The following WBP11 variants were observed in gnomAD, a reference collection of about 807,000 sequenced individuals.
WBP11 encodes WW domain-binding protein 11.
Under a neutral mutation model 66.7 loss-of-function variants are expected in WBP11, and 12 were observed. That is an observed-to-expected ratio of 0.18 (90% CI 0.12 to 0.29). The LOEUF (loss-of-function observed/expected upper bound fraction) is 0.29. WBP11 is among the 10% of genes least tolerant of loss of function. The pLI is 1.00. For synonymous variants in WBP11, 255 were observed against 273.8 expected (o/e 0.93, Z 0.68); for missense variants, 555 against 818.3 (o/e 0.68, Z 3.93).
intron 8 of WBP11, among the ~76,000 whole-genome samples, chr12:14,793,128 T>A (rs1949841215): frequency 6.6e-6 from 1 of 152,226 alleles, no homozygotes; most frequent in African/African-American, 2.4e-5. Context: ...GTAGGCCACA[T>A]AAACAATCCC....
rs993282164 is a variant in WBP11, at chr12:14,786,352, T to C, written c.*713A>G. 2.0e-5 allele frequency: 3 copies of C among 152,220 alleles called. No homozygotes were observed. Among genetic ancestry groups the C allele is most frequent in the African/African-American group, 7.2e-5 (3 of 41,462 alleles). 9.4% of individuals were successfully genotyped at this position (152,220 alleles called of 1,614,324 possible). ...AATTTAAAATGTAGTTTTTACCATG[T>C]TTTCAGTAAGATTCTCATTCTGTAC... On this transcript the variant is annotated 3_prime_UTR_variant, in exon 12 of 12. Coordinates refer to ENST00000261167, the MANE Select transcript of WBP11 (RefSeq NM_016312.3).
At chr12:14,799,015 CAA>C (rs1402438828) in intron 4 of WBP11, among the ~76,000 whole-genome samples, 1 of 151,620 alleles carries the variant, frequency 6.6e-6, no homozygotes, top group Non-Finnish European at 1.5e-5. Flanking sequence ...AACTTAGATG[CAA>C]AAAAAGATAA....
chr12:14,786,776 G>T lies in WBP11; in HGVS notation c.*289C>A. The T allele has an allele frequency of 3.6e-6, 1 of 278,522 alleles. No individual in the cohort carries two copies. Among genetic ancestry groups the T allele is most frequent in the Non-Finnish European group, 6.8e-6 (1 of 147,186 alleles). The allele number at this position is 278,522 out of a possible 1,614,324, so 17.3% of individuals were successfully genotyped here. ...AACAAATAAGCAACTAAGATCCCCC[G>T]ATCACAAATTTCCAAAGAACTGGAG... On this transcript the variant is annotated 3_prime_UTR_variant, in exon 12 of 12. Transcript: ENST00000261167.
rs1949855346 is a variant in WBP11 at position 14,793,916 on chromosome 12, C to T, written c.728G>A (p.Arg243Gln). 6 of 1,605,678 alleles carry T rather than the reference C, an allele frequency of 3.7e-6. No homozygotes were observed. The African/African-American group carries it at 4.0e-5, about 11-fold the overall frequency. Reference protein sequence around the residue: ...DMLYSPELAQRGHDDDVSSTS... With the variant: ...DMLYSPELAQQGHDDDVSSTS... ...GCTAGAAACATCATCATCATGACCT[C>T]GCTGGGCTGAAAAGTGGGAAGGGAA... Residue 243 changes from arginine (R) to glutamine (Q), a missense_variant, in exon 8 of 12, where the codon CGA becomes CAA. This residue lies in a region of WBP11 where 220 missense variants were observed against 268.2 expected (regional missense o/e 0.82). Coordinates refer to ENST00000261167, the MANE Select transcript of WBP11 (RefSeq NM_016312.3).
intron 11 of WBP11, 36 bp from the exon 12 acceptor site, chr12:14,787,534 G>A: frequency 7.0e-7 from 1 of 1,428,860 alleles, no homozygotes; most frequent in African/African-American, 1.4e-5. Context: ...AATACTGTAA[G>A]AACTAATAAA....
At position 14,803,437 on chromosome 12, in the gene WBP11, C is replaced by A. The variant is rs1033197202; in HGVS notation, c.-131G>T. 2 of 398,796 alleles carry A rather than the reference C, an allele frequency of 5.0e-6. No individual in the cohort carries two copies. Among genetic ancestry groups the A allele is most frequent in the Non-Finnish European group, 8.8e-6 (2 of 226,194 alleles). The allele number at this position is 398,796 out of a possible 1,614,324, so 24.7% of individuals were successfully genotyped here. On this transcript the variant is annotated 5_prime_UTR_variant, in exon 1 of 12. Transcript: ENST00000261167. ...ACTTCGTAAAGGCCTTCAACTGGGT[C>A]TCTCGGTCAACCCCTCAGCTACCGC... is the stretch of plus-strand genomic sequence containing the variant.
Position 14,787,450 on chromosome 12 carries a change from G to T in WBP11, c.1541C>A (p.Pro514His), listed in dbSNP as rs1949765527. 2 of 1,532,794 alleles carry T rather than the reference G, an allele frequency of 1.3e-6. No individual in the cohort carries two copies. Among genetic ancestry groups the T allele is most frequent in the East Asian group, 4.5e-5 (2 of 44,112 alleles). The allele number at this position is 1,532,794 out of a possible 1,614,324, so 94.9% of individuals were successfully genotyped here. Residue 514 changes from proline (P) to histidine (H), a missense_variant, in exon 12 of 12, where the codon CCC becomes CAC. Around this residue, in one of 6 missense-constraint regions of WBP11, gnomAD observed 230 missense variants for 286.3 expected, o/e 0.80. Coordinates refer to ENST00000261167, the MANE Select transcript of WBP11 (RefSeq NM_016312.3). ...PGMMRPPLVP[P>H]LGPAPPGLFP... ...CAGCCCAGGGGGGGCAGGTCCAAGG[G>T]GAGGCACCAAAGGTGGGCGCATCAT...
At chr12:14,799,522 C>A (rs1949933761) in intron 4 of WBP11, 113 bp downstream of exon 4, 4 of 972,692 alleles carry the variant, frequency 4.1e-6, no homozygotes, top group Non-Finnish European at 5.9e-6. Flanking sequence ...TAAATCCAAG[C>A]ATCAAATGCC....
intron 4 of WBP11, among the ~76,000 whole-genome samples, chr12:14,797,965 C>CTTT (rs942222168): frequency 6.6e-6 from 1 of 151,904 alleles, no homozygotes; most frequent in East Asian, 1.9e-4. Flanking sequence ...GATTTCTCAT[C>CTTT]TTTTTTTTAT....
At chr12:14,791,092 T>C in intron 9 of WBP11, 77 bp downstream of exon 9, 3 of 1,417,922 alleles carry the variant, frequency 2.1e-6, no homozygotes, top group African/African-American at 1.4e-5. Context: ...GCTGAGATAC[T>C]AAATGGAAAA....
rs745695070 is a variant in WBP11, at chr12:14,796,799, T to C, written c.387+8A>G. ...TAGTTTATCTCTCAAAAAAAAAACCTTGATTACCTTGACAGCATCAAAATA... is the reference window on the plus strand; with the variant it reads ...TAGTTTATCTCTCAAAAAAAAAACCCTGATTACCTTGACAGCATCAAAATA... On this transcript the variant is annotated splice_region_variant and intron_variant, in intron 5 of 11. Coordinates refer to ENST00000261167, the MANE Select transcript of WBP11 (RefSeq NM_016312.3). This position sits in a 1 kb window ranked among gnomAD's most constrained non-coding sequence, Gnocchi z 4.5. The C allele has an allele frequency of 1.3e-5, 20 of 1,575,304 alleles. No homozygotes were observed. Among genetic ancestry groups the C allele is most frequent in the Non-Finnish European group, 1.7e-5 (20 of 1,169,328 alleles).
Position 14,796,882 on chromosome 12 carries a change from G to A in WBP11, c.312C>T (p.Tyr104=). 1 of 1,611,800 alleles carries A rather than the reference G, an allele frequency of 6.2e-7. No homozygotes were observed. Among genetic ancestry groups the A allele is most frequent in the Non-Finnish European group, 8.5e-7 (1 of 1,179,210 alleles). The change falls in exon 5 of 12, where the codon TAC becomes TAT. Residue 104 remains tyrosine (Y), a synonymous_variant. Transcript: ENST00000261167. The surrounding 1 kb of genome is among the most constrained non-coding windows in gnomAD (Gnocchi z 4.5). ...CTACTTCTAGCTTTCTCAATTCTTT[G>A]TAAATATCTGGATTCTCTTTTTCAT... is the stretch of plus-strand genomic sequence containing the variant. The part of the protein sequence containing the change: ...RLYEKENPDI[Y]KELRKLEVEY...
chr12:14,795,132 G>A, intron 5 of WBP11, 28 bp from the exon 6 acceptor site: 1 of 1,529,390 alleles, frequency 6.5e-7, no homozygotes, highest in Non-Finnish European at 8.8e-7. Context: ...TCAGTAGTAT[G>A]ATAAAAAAGT....
chr12:14,801,414 T>C lies in WBP11; in HGVS notation c.-31A>G, dbSNP rs968357983. ...CAATTTGTATGGTTTACTTGTTCATTAAAAAAAGAAAAACCTGTGAAGGTG... is the reference window on the plus strand; with the variant it reads ...CAATTTGTATGGTTTACTTGTTCATCAAAAAAAGAAAAACCTGTGAAGGTG... On this transcript the variant is annotated 5_prime_UTR_variant, in exon 2 of 12. Transcript: ENST00000261167. 5 of 1,604,028 alleles carry C rather than the reference T, an allele frequency of 3.1e-6. No homozygotes were observed. In the Admixed American group the frequency reaches 5.1e-5, roughly 16 times the overall value.
chr12:14,803,279 C>T, intron 1 of WBP11, 73 bp downstream of exon 1: 1 of 396,088 alleles, frequency 2.5e-6, no homozygotes, highest in Non-Finnish European at 4.4e-6. Context: ...TGGGTGTCCC[C>T]CAAGCCGCTG....
chr12:14,790,860 C>T, intron 9 of WBP11, 111 bp from the exon 10 acceptor site: 1 of 1,057,776 alleles, frequency 9.5e-7, no homozygotes, highest in Non-Finnish European at 1.4e-6. Flanking sequence ...AAATTAAAAA[C>T]CAAATAGTCT....
At chr12:14,789,354 G>A (rs972280962) in intron 10 of WBP11, among the ~76,000 whole-genome samples, 1 of 152,154 alleles carries the variant, frequency 6.6e-6, no homozygotes, top group Non-Finnish European at 1.5e-5. Context: ...GGAGGCTGAA[G>A]TGGGTGGATC....
chr12:14,800,610 G>A lies in WBP11; in HGVS notation c.96+142C>T, dbSNP rs1949950650. ...CAGTTCCTAAATAAAGTTTGGCTTAGTATATCTTACAGTTTTTATAAAAAG... is the reference window on the plus strand; with the variant it reads ...CAGTTCCTAAATAAAGTTTGGCTTAATATATCTTACAGTTTTTATAAAAAG... On this transcript the variant is annotated intron_variant, in intron 3 of 11. Transcript: ENST00000261167. The A allele has an allele frequency of 3.9e-6, 3 of 765,182 alleles. No homozygotes were observed. In the East Asian group the frequency reaches 8.8e-5, roughly 23 times the overall value. The allele number at this position is 765,182 out of a possible 1,614,324, so 47.4% of individuals were successfully genotyped here. A position where few individuals can be genotyped will look rare whatever the true frequency, so the allele number is the denominator to read the frequency against.
intron 1 of WBP11, among the ~76,000 whole-genome samples, chr12:14,803,063 C>A (rs1244422214): frequency 6.6e-6 from 1 of 152,156 alleles, no homozygotes; most frequent in East Asian, 1.9e-4. Flanking sequence ...ACTGACGAAA[C>A]CATAGCGACG....
Sources: gnomAD v4.1 joint callset for allele counts (sites outside exome capture counted in the v4.1 genomes callset) on GRCh38, gnomAD v4.1.1 for gene constraint, gnomAD v4.1.1 regional missense constraint, Gnocchi (gnomAD v3.1) non-coding constraint, MANE v1.5 for transcripts, NCBI Gene and HGNC (gene_info 2026-07-23, HGNC 2026-07-21) for gene names.